Variants in AMPD2 observed in about 807,000 individuals in gnomAD.
AMPD2 encodes adenosine monophosphate deaminase 2.
AMPD2 carries 52 observed loss-of-function variants against 91.3 expected under a neutral mutation model. That is an observed-to-expected ratio of 0.57 (90% CI 0.46 to 0.72). AMPD2 has a LOEUF of 0.72. AMPD2 is among the 30% of genes least tolerant of loss of function. AMPD2 has a pLI of 0.00. For missense variants in AMPD2, 822 were observed against 1,122.3 expected (o/e 0.73, Z 3.82); for synonymous variants, 455 against 456.4 (o/e 1.00, Z 0.04).
chr1:109,629,024 G>A, intron 13 of AMPD2, 85 bp from the exon 14 acceptor site: 2 of 1,566,032 alleles, frequency 1.3e-6, no homozygotes, highest in Non-Finnish European at 1.7e-6. Flanking sequence ...TGCGCTCTTG[G>A]GCCAAGCTCT....
intron 8 of AMPD2, 31 bp from the exon 9 acceptor site, chr1:109,627,398 C>T (rs1382575671): frequency 6.2e-7 from 1 of 1,613,890 alleles, no homozygotes; most frequent in African/African-American, 1.3e-5. Context: ...GCTCGGCTTG[C>T]TCTCCTCACC....
rs1287328864 is a variant in AMPD2, at chr1:109,627,512, G to A, written c.944G>A (p.Gly315Asp). ...VNVLMALIIN[G>D]PIKSFCYRRL... The stretch of plus-strand genomic sequence containing the variant: ...GTGCTGATGGCCCTGATTATCAATG[G>A]CCCCATGTGAGTCCCCTGCCATCCC... Residue 315 changes from glycine (G) to aspartate (D), a missense_variant, in exon 9 of 19, where the codon GGC becomes GAC. Coordinates refer to ENST00000528667, the MANE Select transcript of AMPD2 (RefSeq NM_001368809.2). The A allele has an allele frequency of 6.2e-7, 1 of 1,613,914 alleles. No individual in the cohort carries two copies. The highest frequency in any genetic ancestry group is 1.7e-5 in the Admixed American group (1 of 60,006).
In AMPD2 at chr1:109,628,420, G is replaced by A. The variant is rs767255811; in HGVS notation, c.1332G>A (p.Gly444=). Residue 444 remains glycine (G), a synonymous_variant, in exon 12 of 19, where the codon GGG becomes GGA. Coordinates refer to ENST00000528667, the MANE Select transcript of AMPD2 (RefSeq NM_001368809.2). This position sits in a 1 kb window ranked among gnomAD's most constrained non-coding sequence, Gnocchi z 7.1. ...TTAATGCCAAATACAACCCTATTGG[G>A]GAGTCCGTCCTCCGAGAGATCTTCA... ...DKFNAKYNPI[G]ESVLREIFIK... 24 of 1,613,768 alleles carry A rather than the reference G, an allele frequency of 1.5e-5. No homozygotes were observed. In the South Asian group the frequency reaches 2.6e-4, roughly 18 times the overall value.
rs897786332 is a variant in AMPD2 at position 109,624,633 on chromosome 1, G to A, written c.92-670G>A. ...CATTTTGGCAGCCCTGGGGCCCTGG[G>A]GGACAGGGCGGGCCTCCAGGGAGGA... On this transcript the variant is annotated intron_variant, in intron 2 of 18. Transcript: ENST00000528667. This position sits in a 1 kb window ranked among gnomAD's most constrained non-coding sequence, Gnocchi z 5.2. Among the ~76,000 whole-genome samples, 3 of 152,182 alleles carry A rather than the reference G, an allele frequency of 2.0e-5. No homozygotes were observed. The highest frequency in any genetic ancestry group is 4.4e-5 in the Non-Finnish European group (3 of 68,006).
intron 13 of AMPD2, 70 bp from the exon 14 acceptor site, chr1:109,629,039 C>T (rs961445417): frequency 5.7e-6 from 9 of 1,587,504 alleles, no homozygotes; most frequent in Non-Finnish European, 7.7e-6. Flanking sequence ...AGCTCTGACC[C>T]TTGCTGGACC....
intron 2 of AMPD2, 90 bp downstream of exon 2, chr1:109,621,356 C>T (rs1256146091): frequency 1.4e-6 from 2 of 1,386,010 alleles, no homozygotes; most frequent in Non-Finnish European, 1.0e-6. Flanking sequence ...GAGGGGGCCA[C>T]CTCCTCCGGC....
Position 109,628,159 on chromosome 1 carries a change from G to A in AMPD2, c.1157G>A (p.Arg386Gln). 1 of 1,614,118 alleles carries A rather than the reference G, an allele frequency of 6.2e-7. No individual in the cohort carries two copies. Among genetic ancestry groups the A allele is most frequent in the South Asian group, 1.1e-5 (1 of 91,090 alleles). Residue 386 changes from arginine (R) to glutamine (Q), a missense_variant, in exon 11 of 19, where the codon CGG (arginine) becomes CAG (glutamine). Physicochemically the swap from Arg to Gln is conservative, Grantham distance 43. This residue lies in a region of AMPD2 where 430 missense variants were observed against 606.0 expected (regional missense o/e 0.71). Transcript: ENST00000528667. This position sits in a 1 kb window ranked among gnomAD's most constrained non-coding sequence, Gnocchi z 7.1. Reference sequence around the variant, plus strand: ...CGCTTCATCAAGCGGGCAATGAAGCGGCACCTGGAGGAGATCGTGCACGTG... The same window carrying A: ...CGCTTCATCAAGCGGGCAATGAAGCAGCACCTGGAGGAGATCGTGCACGTG... The part of the protein sequence containing the change: ...LLRFIKRAMK[R>Q]HLEEIVHVEQ...
intron 16 of AMPD2, 48 bp from the exon 17 acceptor site, chr1:109,630,185 C>T: frequency 1.2e-6 from 2 of 1,601,492 alleles, no homozygotes; most frequent in Non-Finnish European, 1.7e-6. Flanking sequence ...GTGCCCTGCC[C>T]AGCCTCGGGG....
intron 10 of AMPD2, 76 bp downstream of exon 10, chr1:109,627,979 C>A: frequency 6.2e-7 from 1 of 1,605,790 alleles, no homozygotes; most frequent in Non-Finnish European, 8.5e-7. Flanking sequence ...AGGGCCAGGC[C>A]CCCCACACAG....
In AMPD2 at chr1:109,631,337, GT is replaced by G; in HGVS notation, c.*188del. On this transcript the variant is annotated 3_prime_UTR_variant, in exon 19 of 19. Transcript: ENST00000528667. ...AAAGCCTGGGAATCTGCTCATTGTT[GT>G]TTGGGCTCAGGTATTGAGCCTGATG... The G allele has an allele frequency of 1.5e-6, 1 of 676,966 alleles. No homozygotes were observed. Among genetic ancestry groups the G allele is most frequent in the Non-Finnish European group, 2.5e-6 (1 of 394,728 alleles). The allele number at this position is 676,966 out of a possible 1,614,324, so 41.9% of individuals were successfully genotyped here.
In AMPD2 at chr1:109,620,223, C is replaced by A. The variant is rs1247661847; in HGVS notation, c.-318C>A. On this transcript the variant is annotated 5_prime_UTR_variant, in exon 1 of 19. It adds an upstream start codon to the 5' untranslated region. Transcript: ENST00000528667. The stretch of plus-strand genomic sequence containing the variant: ...CGTCCCTCAGGACCCGGGCTTTCTG[C>A]TGTACAGACTTCTCGTGGGCAGCCT... 1 of 1,614,048 alleles carries A rather than the reference C, an allele frequency of 6.2e-7. No homozygotes were observed. The highest frequency in any genetic ancestry group is 1.1e-5 in the South Asian group (1 of 91,088).
chr1:109,630,829 C>T, intron 18 of AMPD2, 36 bp downstream of exon 18: 1 of 1,592,864 alleles, frequency 6.3e-7, no homozygotes, highest in South Asian at 1.1e-5. Flanking sequence ...GGCATGGCAT[C>T]ACTCCTCCCC....
rs536855870 is a variant in AMPD2 at position 109,625,361 on chromosome 1, C to T, written c.150C>T (p.Pro50=). ...AGTCTGCCCGATCCCTGCCGGGCCC[C>T]GCCCCCTGCCTCAAGCACTTCCCGC... ...PLQSARSLPG[P]APCLKHFPLD... is the part of the protein sequence containing the mutation. Residue 50 remains proline (P), a synonymous_variant, in exon 3 of 19, where the codon CCC becomes CCT. Transcript: ENST00000528667. This position sits in a 1 kb window ranked among gnomAD's most constrained non-coding sequence, Gnocchi z 4.0. The T allele has an allele frequency of 5.8e-5, 93 of 1,613,748 alleles. No individual in the cohort carries two copies. The South Asian group carries it at 9.7e-4, about 17-fold the overall frequency.
chr1:109,626,916 G>A lies in AMPD2; in HGVS notation c.718+4G>A. ...CCCGACACCCCTGTGTCTGCTGGTG[G>A]GACTCCCCATCTCTGCCCCATGCCA... On this transcript the variant is annotated splice_donor_region_variant and intron_variant, in intron 7 of 18. Coordinates refer to ENST00000528667, the MANE Select transcript of AMPD2 (RefSeq NM_001368809.2). 1 of 1,610,830 alleles carries A rather than the reference G, an allele frequency of 6.2e-7. No individual in the cohort carries two copies. Among genetic ancestry groups the A allele is most frequent in the South Asian group, 1.1e-5 (1 of 90,808 alleles).
At chr1:109,621,704 A>G (rs550148417) in intron 2 of AMPD2, among the ~76,000 whole-genome samples, 1 of 152,302 alleles carries the variant, frequency 6.6e-6, no homozygotes, top group Admixed American at 6.5e-5. Context: ...TTAGGACCCC[A>G]CATCTAGATC....
chr1:109,630,583 TGG>T, intron 17 of AMPD2, 98 bp from the exon 18 acceptor site: 1 of 123,842 alleles, frequency 8.1e-6, no homozygotes, highest in Non-Finnish European at 1.1e-5. Flanking sequence ...GTTGGGGGGA[TGG>T]GGGGGCGGGG....
At position 109,620,907 on chromosome 1, in the gene AMPD2, C is replaced by A. The variant is rs1472145979; in HGVS notation, c.-262-7C>A. 3 of 1,467,132 alleles carry A rather than the reference C, an allele frequency of 2.0e-6. No individual in the cohort carries two copies. Among genetic ancestry groups the A allele is most frequent in the Admixed American group, 2.5e-5 (1 of 40,046 alleles). 90.9% of individuals were successfully genotyped at this position (1,467,132 alleles called of 1,614,324 possible). A position where few individuals can be genotyped will look rare whatever the true frequency, so the allele number is the denominator to read the frequency against. ...TTTCTACCCACCCCCTCCCCGCCCC[C>A]CGCCAGGCCCAGCCACCATCAGTCA... On this transcript the variant is annotated splice_polypyrimidine_tract_variant and splice_region_variant and intron_variant, in intron 1 of 18. Coordinates refer to ENST00000528667, the MANE Select transcript of AMPD2 (RefSeq NM_001368809.2).
chr1:109,627,503 T>C lies in AMPD2; in HGVS notation c.935T>C (p.Ile312Thr). ...VADVNVLMAL[I>T]INGPIKSFCY... is the part of the protein sequence containing the mutation. ...GACGTCAATGTGCTGATGGCCCTGA[T>C]TATCAATGGCCCCATGTGAGTCCCC... The change falls in exon 9 of 19, where the codon ATT becomes ACT. Residue 312 changes from isoleucine (I) to threonine (T), a missense_variant. By Grantham distance (89) the Ile-to-Thr change is moderately conservative. Transcript: ENST00000528667. The C allele has an allele frequency of 1.2e-6, 2 of 1,614,000 alleles. No homozygotes were observed. Among genetic ancestry groups the C allele is most frequent in the South Asian group, 1.1e-5 (1 of 91,080 alleles).
chr1:109,620,518 T>TG (rs1650153251), intron 1 of AMPD2: 2 of 1,234,780 alleles, frequency 1.6e-6, no homozygotes, highest in Non-Finnish European at 2.1e-6. Flanking sequence ...CCTGCCTTCC[T>TG]GGGAGGTAGC....
Sources: allele counts gnomAD v4.1 joint callset (sites outside exome capture counted in the v4.1 genomes callset), GRCh38; gene constraint gnomAD v4.1.1; regional missense constraint gnomAD v4.1.1; non-coding constraint Gnocchi (gnomAD v3.1); transcripts MANE v1.5; gene names NCBI Gene and HGNC (gene_info 2026-07-23, HGNC 2026-07-21).